The following CTNNA3 variants were observed in gnomAD, a reference collection of about 807,000 sequenced individuals.
The protein encoded by CTNNA3 is catenin alpha 3, also known as catenin alpha-3.
In CTNNA3, 76 loss-of-function variants were observed where a neutral mutation model predicts 95.7. That is an observed-to-expected ratio of 0.79 (90% CI 0.66 to 0.96). The LOEUF is 0.96. CTNNA3 is among the 40% of genes least tolerant of loss of function. The probability of loss-of-function intolerance (pLI) is 0.00; values close to 1 mark genes in which losing one functional copy is unlikely to be tolerated. For missense variants in CTNNA3, 1,191 were observed against 1,089.8 expected (o/e 1.09, Z -1.31); for synonymous variants, 431 against 374.4 (o/e 1.15, Z -1.74).
chr10:66,380,075 G>A (rs897382184), intron 11 of CTNNA3, among the ~76,000 whole-genome samples: 1 of 152,046 alleles, frequency 6.6e-6, no homozygotes, highest in Non-Finnish European at 1.5e-5. Context: ...TATCTTTAAC[G>A]ACTATTTCTT....
intron 15 of CTNNA3, among the ~76,000 whole-genome samples, chr10:66,027,193 T>G (rs2079357833): frequency 6.6e-6 from 1 of 152,098 alleles, no homozygotes; most frequent in African/African-American, 2.4e-5. Context: ...ACTTATGTTC[T>G]TGCAGTTTCA....
At chr10:66,524,807 T>C (rs1245254908) in intron 10 of CTNNA3, among the ~76,000 whole-genome samples, 1 of 152,218 alleles carries the variant, frequency 6.6e-6, no homozygotes, top group Non-Finnish European at 1.5e-5. Flanking sequence ...CCCAGGACTT[T>C]GGGAGGCTAA....
At chr10:67,194,606 A>G (rs1237487114) in intron 6 of CTNNA3, among the ~76,000 whole-genome samples, 1 of 152,024 alleles carries the variant, frequency 6.6e-6, no homozygotes, top group Non-Finnish European at 1.5e-5. Flanking sequence ...TTTTTAAAGC[A>G]GTAAAAATAC....
At chr10:66,057,094 C>T (rs1397445093) in intron 15 of CTNNA3, among the ~76,000 whole-genome samples, 1 of 152,154 alleles carries the variant, frequency 6.6e-6, no homozygotes, top group Non-Finnish European at 1.5e-5. Flanking sequence ...AGTATCCCAT[C>T]AGAAAATACT....
At chr10:66,978,731 C>A (rs1359485651) in intron 7 of CTNNA3, among the ~76,000 whole-genome samples, 1 of 148,850 alleles carries the variant, frequency 6.7e-6, no homozygotes, top group Non-Finnish European at 1.5e-5. Context: ...ATTTACTAAA[C>A]CTGTCACATT....
At chr10:66,449,280 T>C (rs1181279299) in intron 11 of CTNNA3, among the ~76,000 whole-genome samples, 2 of 152,070 alleles carry the variant, frequency 1.3e-5, no homozygotes, top group Non-Finnish European at 2.9e-5. Context: ...AACTGCATTA[T>C]CCATTTTTTG....
intron 17 of CTNNA3, among the ~76,000 whole-genome samples, chr10:65,924,067 A>C (rs1477965421): frequency 6.6e-6 from 1 of 152,204 alleles, no homozygotes; most frequent in African/African-American, 2.4e-5. Flanking sequence ...ACATATTGGT[A>C]ATAATCCTAA....
chr10:67,126,633 T>C (rs1859734223), intron 7 of CTNNA3, among the ~76,000 whole-genome samples: 1 of 152,204 alleles, frequency 6.6e-6, no homozygotes, highest in South Asian at 2.1e-4. Flanking sequence ...ATGCCAGCAC[T>C]TTCTTCAATA....
chr10:66,458,856 T>C (rs2093511087), intron 11 of CTNNA3, among the ~76,000 whole-genome samples: 1 of 152,202 alleles, frequency 6.6e-6, no homozygotes, highest in African/African-American at 2.4e-5. Flanking sequence ...GATAATCTTT[T>C]GGATATTGTA....
In CTNNA3 at chr10:67,523,601, T is replaced by C. The variant is rs532728917; in HGVS notation, c.460-1640A>G. On this transcript the variant is annotated intron_variant, in intron 4 of 17. Transcript: ENST00000433211. ...GAAAACTCGGAAAACTCACTGATAC[T>C]GACACTGACGGAGGGACTCAGACCA... Among the ~76,000 whole-genome samples, 6 of 152,260 alleles carry C rather than the reference T, an allele frequency of 3.9e-5. No homozygotes were observed. The South Asian group carries it at 1.2e-3, about 32-fold the overall frequency.
chr10:67,052,313 A>ACTCTCT (rs3841706), intron 7 of CTNNA3, among the ~76,000 whole-genome samples: 1,428 of 121,028 alleles, frequency 0.012, 34 homozygotes, highest in African/African-American at 0.027. Flanking sequence ...CCCACTCATC[A>ACTCTCT]CTCTCTCTCT....
chr10:66,179,571 C>G (rs2085930122), intron 13 of CTNNA3, among the ~76,000 whole-genome samples: 1 of 151,918 alleles, frequency 6.6e-6, no homozygotes, highest in Non-Finnish European at 1.5e-5. Flanking sequence ...ATAGTTATCT[C>G]AAAATAAATA....
chr10:67,366,187 C>G (rs756466215), intron 5 of CTNNA3, among the ~76,000 whole-genome samples: 1 of 152,014 alleles, frequency 6.6e-6, no homozygotes, highest in African/African-American at 2.4e-5. Flanking sequence ...CAGGGAACAT[C>G]ACACACACCA....
At chr10:67,037,719 G>C (rs1854151319) in intron 7 of CTNNA3, among the ~76,000 whole-genome samples, 1 of 152,172 alleles carries the variant, frequency 6.6e-6, no homozygotes, top group African/African-American at 2.4e-5. Flanking sequence ...TGACTAAATA[G>C]GTGTAGGTGG....
chr10:66,765,912 T>C (rs1839828650), intron 9 of CTNNA3, among the ~76,000 whole-genome samples: 1 of 152,104 alleles, frequency 6.6e-6, no homozygotes. Flanking sequence ...GCTGACAGAG[T>C]AATGCAGCTA....
intron 11 of CTNNA3, among the ~76,000 whole-genome samples, chr10:66,428,006 C>T (rs181938134): frequency 0.016 from 2,446 of 152,062 alleles, 58 homozygotes; most frequent in African/African-American, 0.056. Context: ...TTCAGGAAAC[C>T]CATCTCACGT....
At chr10:66,348,015 A>G (rs2092537758) in intron 12 of CTNNA3, among the ~76,000 whole-genome samples, 1 of 152,262 alleles carries the variant, frequency 6.6e-6, no homozygotes, top group African/African-American at 2.4e-5. Context: ...ATGAATCCGC[A>G]CTTAGACACA....
At chr10:66,891,431 C>G (rs1434367543) in intron 7 of CTNNA3, among the ~76,000 whole-genome samples, 2 of 152,138 alleles carry the variant, frequency 1.3e-5, no homozygotes, top group Non-Finnish European at 2.9e-5. Flanking sequence ...ACACAAATTT[C>G]TAAAACAGAA....
intron 5 of CTNNA3, among the ~76,000 whole-genome samples, chr10:67,337,177 A>T (rs1842026162): frequency 6.6e-6 from 1 of 152,198 alleles, no homozygotes; most frequent in Non-Finnish European, 1.5e-5. Flanking sequence ...AGATGCCATT[A>T]AGAGCATTCA....
Sources: gnomAD v4.1 joint callset for allele counts (sites outside exome capture counted in the v4.1 genomes callset) on GRCh38, gnomAD v4.1.1 for gene constraint, MANE v1.5 for transcripts, NCBI Gene and HGNC (gene_info 2026-07-23, HGNC 2026-07-21) for gene names.